HEMK2: variants seen among roughly 807,000 people sequenced by gnomAD.
HEMK2 encodes methyltransferase HEMK2.
the HEMK2 span, among the ~76,000 whole-genome samples, chr21:28,808,470 A>C: frequency 6.6e-6 from 1 of 151,364 alleles, no homozygotes; most frequent in Non-Finnish European, 1.5e-5. Flanking sequence ...CAGTAGATCA[A>C]TTTGATGAGA....
chr21:28,657,657 T>G, the HEMK2 span, among the ~76,000 whole-genome samples: 6 of 152,250 alleles, frequency 3.9e-5, no homozygotes, highest in Admixed American at 2.6e-4. Flanking sequence ...GTTATTCTTT[T>G]GTTTGGACAA....
the HEMK2 span, among the ~76,000 whole-genome samples, chr21:28,776,610 C>A: frequency 1.3e-5 from 2 of 152,164 alleles, no homozygotes; most frequent in Admixed American, 1.3e-4. Context: ...GGGCCATCTG[C>A]AAGCTGAGGA....
the HEMK2 span, among the ~76,000 whole-genome samples, chr21:28,858,251 T>A: frequency 1.0e-3 from 153 of 152,248 alleles, no homozygotes; most frequent in African/African-American, 3.5e-3. Context: ...ACCACTCTTT[T>A]CCCCCATCAG....
the HEMK2 span, among the ~76,000 whole-genome samples, chr21:28,764,042 G>A: frequency 6.6e-6 from 1 of 152,094 alleles, no homozygotes; most frequent in African/African-American, 2.4e-5. Flanking sequence ...GTACACAGCA[G>A]TGACCTACTT....
the HEMK2 span, among the ~76,000 whole-genome samples, chr21:28,861,554 C>T: frequency 6.6e-6 from 1 of 152,162 alleles, no homozygotes; most frequent in Non-Finnish European, 1.5e-5. Context: ...ATATTACCAA[C>T]ACTTTATGCA....
At chr21:28,704,352 T>C in the HEMK2 span, among the ~76,000 whole-genome samples, 1 of 152,292 alleles carries the variant, frequency 6.6e-6, no homozygotes, top group East Asian at 1.9e-4. Context: ...AGGCATTTCC[T>C]AAGTGCCCTG....
At chr21:28,783,226 C>T in the HEMK2 span, among the ~76,000 whole-genome samples, 4 of 152,142 alleles carry the variant, frequency 2.6e-5, no homozygotes, top group East Asian at 7.8e-4. Context: ...GCTCTGTTGC[C>T]CAGGATGGAG....
chr21:28,748,677 T>C, the HEMK2 span, among the ~76,000 whole-genome samples: 1 of 152,240 alleles, frequency 6.6e-6, no homozygotes, highest in Non-Finnish European at 1.5e-5. Context: ...AAATATTCCA[T>C]CTTCTGGGAA....
chr21:28,686,671 G>T, the HEMK2 span, among the ~76,000 whole-genome samples: 1 of 152,180 alleles, frequency 6.6e-6, no homozygotes, highest in Non-Finnish European at 1.5e-5. Context: ...CGCTTTTTAG[G>T]TGGCCCAGGG....
chr21:28,818,618 C>A, the HEMK2 span, among the ~76,000 whole-genome samples: 69 of 152,262 alleles, frequency 4.5e-4, no homozygotes, highest in African/African-American at 1.5e-3. Flanking sequence ...TAGGAATTTT[C>A]AGCAAATCCA....
the HEMK2 span, among the ~76,000 whole-genome samples, chr21:28,621,606 T>C: frequency 6.6e-6 from 1 of 152,138 alleles, no homozygotes; most frequent in South Asian, 2.1e-4. Context: ...TTGGTTCTTA[T>C]AGGTGTTGGG....
chr21:28,849,361 A>AC, the HEMK2 span, among the ~76,000 whole-genome samples: 164 of 152,106 alleles, frequency 1.1e-3, 1 homozygote, highest in African/African-American at 3.2e-3. Flanking sequence ...AACAACAACA[A>AC]AAAAAAACCC....
At chr21:28,610,229 G>A in the HEMK2 span, among the ~76,000 whole-genome samples, 1 of 152,162 alleles carries the variant, frequency 6.6e-6, no homozygotes, top group Non-Finnish European at 1.5e-5. Context: ...CTACAGGTTA[G>A]AAGGGATTGG....
chr21:28,878,805 T>C, the HEMK2 span, among the ~76,000 whole-genome samples: 2 of 151,364 alleles, frequency 1.3e-5, no homozygotes, highest in Non-Finnish European at 2.9e-5. Flanking sequence ...GAACAGCTTG[T>C]TTTATAAGAG....
chr21:28,702,669 G>C, the HEMK2 span, among the ~76,000 whole-genome samples: 5 of 152,170 alleles, frequency 3.3e-5, no homozygotes, highest in Non-Finnish European at 7.4e-5. Flanking sequence ...ACAGATTCTA[G>C]TGAGGGTGCA....
At chr21:28,883,166 T>A in the HEMK2 span, 5 of 714,804 alleles carry the variant, frequency 7.0e-6, no homozygotes, top group South Asian at 2.9e-5. Context: ...TATATATTTC[T>A]CTAGCATCAT....
chr21:28,827,774 T>C, the HEMK2 span, among the ~76,000 whole-genome samples: 2 of 152,238 alleles, frequency 1.3e-5, no homozygotes, highest in African/African-American at 2.4e-5. Flanking sequence ...TAGTTTTTGC[T>C]TTGATGAGTT....
chr21:28,815,381 TAA>T, the HEMK2 span, among the ~76,000 whole-genome samples: 1 of 144,938 alleles, frequency 6.9e-6, no homozygotes, highest in Non-Finnish European at 1.5e-5. Flanking sequence ...TAATAATAAT[TAA>T]AAAAAAAAGA....
chr21:28,604,031 A>C, the HEMK2 span, among the ~76,000 whole-genome samples: 1 of 152,194 alleles, frequency 6.6e-6, no homozygotes, highest in African/African-American at 2.4e-5. Flanking sequence ...AGTCCTTAGA[A>C]TTAAAGGATT....
Sources: allele counts gnomAD v4.1 joint callset (sites outside exome capture counted in the v4.1 genomes callset), GRCh38; gene constraint gnomAD v4.1.1; transcripts MANE v1.5; gene names NCBI Gene and HGNC (gene_info 2026-07-23, HGNC 2026-07-21).